CSMD1: variants seen among roughly 807,000 people sequenced by gnomAD.
CSMD1 encodes the protein CUB and Sushi multiple domains 1, also known as CUB and sushi domain-containing protein 1.
A neutral mutation model predicts 417.5 loss-of-function variants in CSMD1; 213 were observed. The ratio of observed to expected loss-of-function variants is 0.51; its 90% CI spans 0.46 to 0.57. The LOEUF (loss-of-function observed/expected upper bound fraction) is 0.57, where lower values mean the gene tolerates loss of function less well. Ranked by LOEUF, CSMD1 falls within the 20% of genes least tolerant of loss-of-function variation. The pLI is 0.00. For synonymous variants in CSMD1, 2,862 were observed against 1,736.8 expected (o/e 1.65, Z -16.11); for missense variants, 6,923 against 4,529.7 (o/e 1.53, Z -15.17).
At chr8:4,993,823 G>T (rs923568351) in intron 1 of CSMD1, among the ~76,000 whole-genome samples, 1 of 152,170 alleles carries the variant, frequency 6.6e-6, no homozygotes, top group Non-Finnish European at 1.5e-5. Flanking sequence ...GTATGGGTGC[G>T]AGGAGGCCGG....
chr8:4,561,510 C>T (rs914509989), intron 2 of CSMD1, among the ~76,000 whole-genome samples: 1 of 152,172 alleles, frequency 6.6e-6, no homozygotes, highest in Non-Finnish European at 1.5e-5. Flanking sequence ...TGGTGAAACC[C>T]TGTCTCTACC....
intron 1 of CSMD1, among the ~76,000 whole-genome samples, chr8:4,658,888 C>T (rs1043457730): frequency 6.6e-6 from 1 of 152,040 alleles, no homozygotes; most frequent in Non-Finnish European, 1.5e-5. Context: ...TATAGGAGCA[C>T]AACTTTTCTA....
At chr8:3,674,297 C>A (rs924251936) in intron 7 of CSMD1, among the ~76,000 whole-genome samples, 1 of 152,066 alleles carries the variant, frequency 6.6e-6, no homozygotes, top group Non-Finnish European at 1.5e-5. Flanking sequence ...ATAAATCACC[C>A]AAAATACCAC....
intron 4 of CSMD1, among the ~76,000 whole-genome samples, chr8:4,010,808 A>T (rs1328431149): frequency 6.6e-6 from 1 of 152,138 alleles, no homozygotes; most frequent in Non-Finnish European, 1.5e-5. Context: ...TCACAGTAAA[A>T]CACCTTTGGT....
chr8:3,660,570 G>C (rs761771987), intron 7 of CSMD1, among the ~76,000 whole-genome samples: 9 of 107,578 alleles, frequency 8.4e-5, no homozygotes, highest in African/African-American at 2.2e-4. Flanking sequence ...GTCCAGGCAA[G>C]AGTGCAGTGG....
At position 3,031,747 on chromosome 8, in the gene CSMD1, G is replaced by A. The variant is rs902365154; in HGVS notation, c.7661-2234C>T. On this transcript the variant is annotated intron_variant, in intron 50 of 69. Coordinates refer to ENST00000635120, the MANE Select transcript of CSMD1 (RefSeq NM_033225.6). ...ACGGAATCAGACAATTTTTTGAGCT[G>A]ATACCATCTACAGTATCAATTTCCA... Among the ~76,000 whole-genome samples the A allele has an allele frequency of 1.8e-4, 27 of 151,950 alleles. 1 individual carries two copies. The highest frequency in any genetic ancestry group is 4.2e-4 in the South Asian group (2 of 4,816).
At chr8:3,850,572 G>C (rs1029413372) in intron 5 of CSMD1, among the ~76,000 whole-genome samples, 4 of 152,112 alleles carry the variant, frequency 2.6e-5, no homozygotes, top group Non-Finnish European at 5.9e-5. Context: ...GCTCTCACCT[G>C]TTTTCCCAGC....
intron 1 of CSMD1, among the ~76,000 whole-genome samples, chr8:4,692,440 C>T (rs983614135): frequency 2.0e-5 from 3 of 152,054 alleles, no homozygotes; most frequent in Admixed American, 1.3e-4. Context: ...AAGAGTAGAC[C>T]GTCCTTGAAG....
At position 3,201,605 on chromosome 8, in the gene CSMD1, G is replaced by C. The variant is rs991432568; in HGVS notation, c.5098+7C>G. On this transcript the variant is annotated splice_region_variant and intron_variant, in intron 32 of 69. Transcript: ENST00000635120. ...CTAAATTAAGGGCAAAATTCTTTAA[G>C]ACTTACCTGAGTGAGACCCCGAGAG... 7.0e-6 allele frequency: 11 copies of C among 1,562,612 alleles called. No individual in the cohort carries two copies. Among genetic ancestry groups the C allele is most frequent in the South Asian group, 1.2e-5 (1 of 85,844 alleles).
intron 3 of CSMD1, among the ~76,000 whole-genome samples, chr8:4,282,699 T>C (rs781634396): frequency 1.3e-5 from 2 of 152,220 alleles, no homozygotes; most frequent in African/African-American, 4.8e-5. Context: ...GACAGCATCC[T>C]AACAACTCAT....
chr8:4,303,612 A>G (rs1211578507), intron 3 of CSMD1, among the ~76,000 whole-genome samples: 1 of 151,972 alleles, frequency 6.6e-6, no homozygotes, highest in African/African-American at 2.4e-5. Flanking sequence ...TGTCATATGA[A>G]GAGAGTTCTA....
In CSMD1 at chr8:4,635,962, T is replaced by C. The variant is rs149339345; in HGVS notation, c.302+1380A>G. On this transcript the variant is annotated intron_variant, in intron 2 of 69. Coordinates refer to ENST00000635120, the MANE Select transcript of CSMD1 (RefSeq NM_033225.6). ...TAGATGACTCAGAAAAAAAACTAGG[T>C]GTTTGAAAGTGGGTGAAAAAATGCA... Among the ~76,000 whole-genome samples, 449 of 151,950 alleles carry C rather than the reference T, an allele frequency of 3.0e-3. 4 individuals carry two copies. Among genetic ancestry groups the C allele is most frequent in the African/African-American group, 0.01 (428 of 41,494 alleles).
rs1454610766 is a variant in CSMD1, at chr8:3,439,305, ATATATTTTT to A, written c.1561+29398_1561+29406del. Among the ~76,000 whole-genome samples, 149 of 41,182 alleles carry A rather than the reference ATATATTTTT, an allele frequency of 3.6e-3. 3 individuals are homozygous for A. The highest frequency in any genetic ancestry group is 0.023 in the African/African-American group (146 of 6,386). 27.0% of individuals were successfully genotyped at this position (41,182 alleles called of 152,430 possible). A position where few individuals can be genotyped will look rare whatever the true frequency, so the allele number is the denominator to read the frequency against. On this transcript the variant is annotated intron_variant, in intron 12 of 69. Transcript: ENST00000635120. ...AGTATATATATATATATATATATAT[ATATATTTTT>A]TTTTTTAATATGTATTTTTAATTTT...
At chr8:4,049,406 G>A (rs60643164) in intron 3 of CSMD1, among the ~76,000 whole-genome samples, 5,756 of 151,152 alleles carry the variant, frequency 0.038, 349 homozygotes, top group African/African-American at 0.12. Context: ...CGTCATCTGC[G>A]GAGAAAAATT....
intron 3 of CSMD1, among the ~76,000 whole-genome samples, chr8:4,062,711 T>C (rs1799040294): frequency 1.3e-5 from 2 of 152,010 alleles, no homozygotes; most frequent in African/African-American, 4.8e-5. Context: ...ACTGTCATTA[T>C]TCCTGATCAG....
At chr8:3,579,424 C>G (rs1394263176) in intron 9 of CSMD1, among the ~76,000 whole-genome samples, 1 of 152,120 alleles carries the variant, frequency 6.6e-6, no homozygotes, top group African/African-American at 2.4e-5. Context: ...AATCAAATTA[C>G]TTGAAAGAAG....
chr8:3,941,687 A>G (rs1240132388), intron 5 of CSMD1, among the ~76,000 whole-genome samples: 1 of 152,190 alleles, frequency 6.6e-6, no homozygotes, highest in East Asian at 1.9e-4. Context: ...ACTAGAATGT[A>G]ATGAGATTTT....
At chr8:4,191,043 G>T (rs143864355) in intron 3 of CSMD1, among the ~76,000 whole-genome samples, 8 of 152,158 alleles carry the variant, frequency 5.3e-5, no homozygotes, top group African/African-American at 1.7e-4. Context: ...AAACCCCCAT[G>T]ACACCAGTTT....
At chr8:3,504,984 T>C (rs1188965235) in intron 10 of CSMD1, among the ~76,000 whole-genome samples, 1 of 149,588 alleles carries the variant, frequency 6.7e-6, no homozygotes, top group South Asian at 2.1e-4. Flanking sequence ...CCAGGGAAAG[T>C]AAGCAAACAA....
Sources: gnomAD v4.1 joint callset for allele counts (sites outside exome capture counted in the v4.1 genomes callset) on GRCh38, gnomAD v4.1.1 for gene constraint, MANE v1.5 for transcripts, NCBI Gene and HGNC (gene_info 2026-07-23, HGNC 2026-07-21) for gene names.